TENM2: variants seen among roughly 807,000 people sequenced by gnomAD.
TENM2 encodes teneurin-2.
Under a neutral mutation model 245.2 loss-of-function variants are expected in TENM2, and 52 were observed. The observed-to-expected ratio is 0.21, with a 90% CI of 0.17 to 0.27. TENM2 has a LOEUF of 0.27. Ranked by LOEUF, TENM2 falls within the 10% of genes least tolerant of loss-of-function variation. TENM2 has a pLI of 1.00. For synonymous variants in TENM2, 1,363 were observed against 1,438.9 expected, an observed-to-expected ratio of 0.95 and a Z score of 1.19; for missense variants, 3,046 against 3,666.8, an observed-to-expected ratio of 0.83 and a Z score of 4.37.
At chr5:167,031,297 A>G in the TENM2 span, among the ~76,000 whole-genome samples, 1 of 152,176 alleles carries the variant, frequency 6.6e-6, no homozygotes, top group Admixed American at 6.5e-5. Context: ...TTTTCATTTC[A>G]ACCAAAGCTA....
intron 5 of TENM2, among the ~76,000 whole-genome samples, chr5:168,039,231 A>G (rs1454754492): frequency 1.3e-5 from 2 of 152,168 alleles, no homozygotes; most frequent in Non-Finnish European, 2.9e-5. Flanking sequence ...GCCGCGTGCC[A>G]CGTGCAGCCT....
intron 25 of TENM2, among the ~76,000 whole-genome samples, chr5:168,232,055 G>A (rs1179953292): frequency 1.3e-5 from 2 of 152,188 alleles, no homozygotes; most frequent in Admixed American, 6.5e-5. Flanking sequence ...AACAGAGCAA[G>A]ACCCTGTCTC....
upstream of TENM2, among the ~76,000 whole-genome samples, chr5:167,283,036 T>C (rs2127705849): frequency 6.6e-6 from 1 of 152,116 alleles, no homozygotes. Context: ...ATCATAATAT[T>C]TGTACCCTCT....
At chr5:167,251,244 A>T in the TENM2 span, among the ~76,000 whole-genome samples, 1 of 152,108 alleles carries the variant, frequency 6.6e-6, no homozygotes, top group Non-Finnish European at 1.5e-5. Context: ...GCGTAATTGC[A>T]GTTGCTTTCA....
At chr5:167,621,155 A>G (rs185761925) in intron 2 of TENM2, among the ~76,000 whole-genome samples, 55 of 152,294 alleles carry the variant, frequency 3.6e-4, no homozygotes, top group Non-Finnish European at 4.0e-4. Flanking sequence ...AGTCTACAAC[A>G]TGAAAAAGAA....
intron 2 of TENM2, among the ~76,000 whole-genome samples, chr5:167,673,539 C>T (rs1756104027): frequency 6.6e-6 from 1 of 152,086 alleles, no homozygotes. Flanking sequence ...ATGTCAAGTA[C>T]TTGAGAATGT....
intron 13 of TENM2, among the ~76,000 whole-genome samples, chr5:168,176,686 A>T (rs1317548147): frequency 6.6e-6 from 1 of 152,196 alleles, no homozygotes; most frequent in East Asian, 1.9e-4. Flanking sequence ...CTAGGGCCAT[A>T]ATCACAGGGT....
chr5:167,084,110 G>A, the TENM2 span, among the ~76,000 whole-genome samples: 3 of 151,348 alleles, frequency 2.0e-5, no homozygotes, highest in African/African-American at 7.3e-5. Flanking sequence ...TATAAGAAAT[G>A]GTAGTGACAT....
At chr5:167,414,381 T>A (rs1473933799) in intron 2 of TENM2, among the ~76,000 whole-genome samples, 1 of 152,160 alleles carries the variant, frequency 6.6e-6, no homozygotes, top group Non-Finnish European at 1.5e-5. Flanking sequence ...TGTAGAAGGA[T>A]CTTTAAAAAA....
intron 2 of TENM2, chr5:167,653,228 T>A (rs563327091): frequency 6.6e-6 from 1 of 151,926 alleles, no homozygotes; most frequent in East Asian, 1.9e-4. Flanking sequence ...GAAAATAGAG[T>A]AACAGGGAAG....
intron 1 of TENM2, among the ~76,000 whole-genome samples, chr5:167,347,837 G>A (rs893411713): frequency 5.3e-5 from 8 of 152,134 alleles, no homozygotes; most frequent in Non-Finnish European, 1.2e-4. Flanking sequence ...AATTAGACAA[G>A]GTACCTTCTC....
chr5:167,648,177 T>G (rs938905329), intron 2 of TENM2, among the ~76,000 whole-genome samples: 3 of 152,240 alleles, frequency 2.0e-5, no homozygotes, highest in African/African-American at 7.2e-5. Flanking sequence ...TGACCCATTC[T>G]GCACAGAGAC....
chr5:167,029,703 C>T, the TENM2 span, among the ~76,000 whole-genome samples: 1 of 152,166 alleles, frequency 6.6e-6, no homozygotes, highest in East Asian at 1.9e-4. Flanking sequence ...TGACGTTTGT[C>T]CAGTGCTGTG....
the TENM2 span, among the ~76,000 whole-genome samples, chr5:167,175,758 A>T: frequency 2.0e-5 from 3 of 152,268 alleles, no homozygotes; most frequent in African/African-American, 7.2e-5. Context: ...CCCAGGCTGG[A>T]ATGCAGCTGC....
intron 2 of TENM2, among the ~76,000 whole-genome samples, chr5:167,450,552 C>A (rs1161902855): frequency 6.6e-6 from 1 of 152,110 alleles, no homozygotes; most frequent in Non-Finnish European, 1.5e-5. Flanking sequence ...AAGTAAAACT[C>A]TATAAGCTTA....
the TENM2 span, among the ~76,000 whole-genome samples, chr5:167,238,595 C>A: frequency 3.3e-5 from 5 of 150,256 alleles, no homozygotes; most frequent in South Asian, 2.1e-4. Flanking sequence ...AGGTTCTACC[C>A]ATGTTTGTAT....
intron 4 of TENM2, among the ~76,000 whole-genome samples, chr5:167,974,017 GAGGGAGGA>G (rs1373408435): frequency 2.5e-4 from 19 of 75,850 alleles, no homozygotes; most frequent in African/African-American, 9.3e-4. Flanking sequence ...GGGAGGGAGG[GAGGGAGGA>G]AGGAAGGAAG....
chr5:167,837,776 G>C (rs1018946913), intron 2 of TENM2, among the ~76,000 whole-genome samples: 1 of 151,014 alleles, frequency 6.6e-6, no homozygotes, highest in Non-Finnish European at 1.5e-5. Flanking sequence ...CACACAACTA[G>C]TTCCCATGCT....
intron 12 of TENM2, among the ~76,000 whole-genome samples, chr5:168,154,652 G>A (rs1756991906): frequency 6.6e-6 from 1 of 152,226 alleles, no homozygotes; most frequent in African/African-American, 2.4e-5. Context: ...GTGCTGATCA[G>A]TGAGAATCCA....
Sources: allele counts gnomAD v4.1 joint callset (sites outside exome capture counted in the v4.1 genomes callset), GRCh38; gene constraint gnomAD v4.1.1; transcripts MANE v1.5; gene names NCBI Gene and HGNC (gene_info 2026-07-23, HGNC 2026-07-21).